TTC28: variants seen among roughly 807,000 people sequenced by gnomAD.
TTC28 encodes tetratricopeptide repeat domain 28, also known as tetratricopeptide repeat protein 28.
A neutral mutation model predicts 198.0 loss-of-function variants in TTC28; 61 were observed. The observed-to-expected ratio is 0.31, with a 90% CI of 0.25 to 0.38. The LOEUF is 0.38. Among genes scored for constraint, TTC28 ranks in the 10% least tolerant of loss-of-function variants. TTC28 has a pLI of 1.00. For missense variants in TTC28, 2,678 were observed against 3,164.0 expected, an observed-to-expected ratio of 0.85 and a Z score of 3.69; for synonymous variants, 1,171 against 1,297.8, an observed-to-expected ratio of 0.90 and a Z score of 2.10.
At chr22:28,621,760 AAAGAAAG>A (rs2051003320) in intron 2 of TTC28, among the ~76,000 whole-genome samples, 1 of 149,250 alleles carries the variant, frequency 6.7e-6, no homozygotes, top group African/African-American at 2.4e-5. Flanking sequence ...AAAAAAAAAA[AAAGAAAG>A]AAAGAAAGAA....
Position 27,982,457 on chromosome 22 carries a change from T to C in TTC28, c.7210A>G (p.Lys2404Glu), listed in dbSNP as rs200749476. 649 of 1,551,160 alleles carry C rather than the reference T, an allele frequency of 4.2e-4. 1 individual carries two copies. Among genetic ancestry groups the C allele is most frequent in the African/African-American group, 5.3e-4 (39 of 72,972 alleles). Residue 2404 changes from lysine (K) to glutamate (E), a missense_variant, in exon 23 of 23, where the codon AAG (lysine) becomes GAG (glutamate). Physicochemically the swap from Lys to Glu is moderately conservative, Grantham distance 56 (BLOSUM62 1). Coordinates refer to ENST00000397906, the MANE Select transcript of TTC28 (RefSeq NM_001145418.2). The surrounding 1 kb of genome is among the most constrained non-coding windows in gnomAD (Gnocchi z 5.2). ...TCAAGCTTATCCACTCCCTCCTCCT[T>C]CTTATTGTGCCGTGGTGACAAATTC... ...LLNLSPRHNKKEEGVDKLELK... is the reference protein window; with the variant it reads ...LLNLSPRHNKEEEGVDKLELK...
At chr22:28,634,441 C>T (rs534663705) in intron 1 of TTC28, among the ~76,000 whole-genome samples, 128 of 143,458 alleles carry the variant, frequency 8.9e-4, no homozygotes, top group African/African-American at 3.3e-3. Flanking sequence ...ACCTGGGAAT[C>T]GGAGGTTGCA....
intron 2 of TTC28, among the ~76,000 whole-genome samples, chr22:28,359,035 C>T (rs1230617352): frequency 1.3e-5 from 2 of 152,094 alleles, no homozygotes; most frequent in Admixed American, 6.5e-5. Flanking sequence ...AAAATCAATT[C>T]CTAAGATATC....
At chr22:28,071,120 C>T (rs1440504870) in intron 12 of TTC28, among the ~76,000 whole-genome samples, 2 of 152,154 alleles carry the variant, frequency 1.3e-5, no homozygotes, top group East Asian at 3.9e-4. Flanking sequence ...TTTCTAAAAG[C>T]AGGAATCATC....
chr22:28,185,454 AAATT>A (rs1363636557), intron 5 of TTC28, among the ~76,000 whole-genome samples: 3 of 152,192 alleles, frequency 2.0e-5, no homozygotes, highest in Admixed American at 6.5e-5. Context: ...TAGTCTGAGA[AAATT>A]AATACAACAC....
chr22:28,543,233 T>C (rs2049456147), intron 2 of TTC28, among the ~76,000 whole-genome samples: 1 of 151,898 alleles, frequency 6.6e-6, no homozygotes, highest in African/African-American at 2.4e-5. Flanking sequence ...TCCAAATACT[T>C]GGGAGACTGA....
intron 12 of TTC28, among the ~76,000 whole-genome samples, chr22:28,060,280 A>G (rs1308412126): frequency 6.6e-6 from 1 of 152,016 alleles, no homozygotes; most frequent in Non-Finnish European, 1.5e-5. Context: ...CCGGTGTGTG[A>G]TGTTCCCCAC....
rs528116926 is a variant in TTC28, at chr22:28,663,229, C to T, written c.102+16393G>A. On this transcript the variant is annotated intron_variant, in intron 1 of 22. Coordinates refer to ENST00000397906, the MANE Select transcript of TTC28 (RefSeq NM_001145418.2). Reference sequence around the variant, plus strand: ...TGCCGCTGCACTCCAGCCTGGGAGACAGAGCGAAACTCCGTCTCAAAAAAA... The same window carrying T: ...TGCCGCTGCACTCCAGCCTGGGAGATAGAGCGAAACTCCGTCTCAAAAAAA... Among the ~76,000 whole-genome samples the T allele has an allele frequency of 2.2e-3, 311 of 138,796 alleles. 2 individuals are homozygous for T. Among genetic ancestry groups the T allele is most frequent in the African/African-American group, 8.0e-3 (298 of 37,054 alleles). The allele number at this position is 138,796 out of a possible 152,430, so 91.1% of individuals were successfully genotyped here. A position where few individuals can be genotyped will look rare whatever the true frequency, so the allele number is the denominator to read the frequency against.
At chr22:28,541,551 T>A (rs1601541210) in intron 2 of TTC28, among the ~76,000 whole-genome samples, 1 of 152,106 alleles carries the variant, frequency 6.6e-6, no homozygotes, top group East Asian at 1.9e-4. Context: ...ACATCAACAA[T>A]GTCCACAATT....
At chr22:28,143,483 G>T (rs926426152) in intron 6 of TTC28, among the ~76,000 whole-genome samples, 1 of 152,186 alleles carries the variant, frequency 6.6e-6, no homozygotes, top group African/African-American at 2.4e-5. Flanking sequence ...GGAGAGCACT[G>T]GTGTATCTAT....
chr22:28,545,766 C>G (rs2049526698), intron 2 of TTC28, among the ~76,000 whole-genome samples: 1 of 151,956 alleles, frequency 6.6e-6, no homozygotes, highest in African/African-American at 2.4e-5. Flanking sequence ...AACAATAAAT[C>G]TAACGTAATA....
At chr22:28,178,088 G>C (rs2147097898) in intron 5 of TTC28, among the ~76,000 whole-genome samples, 1 of 152,114 alleles carries the variant, frequency 6.6e-6, no homozygotes, top group South Asian at 2.1e-4. Context: ...AAAACGACTG[G>C]GGGAGAGAGA....
intron 2 of TTC28, among the ~76,000 whole-genome samples, chr22:28,307,348 T>C (rs899821644): frequency 6.6e-6 from 1 of 152,196 alleles, no homozygotes; most frequent in Non-Finnish European, 1.5e-5. Flanking sequence ...TAGTAAGATA[T>C]TTAAATATTT....
rs535008250 is a variant in TTC28 at position 28,198,638 on chromosome 22, C to T, written c.934-35039G>A. The stretch of plus-strand genomic sequence containing the variant: ...CTTAACACACAAAGAAAGTTTGGTT[C>T]TCCTTCATGAAGCAGTTCAAGGTGG... On this transcript the variant is annotated intron_variant, in intron 5 of 22. Coordinates refer to ENST00000397906, the MANE Select transcript of TTC28 (RefSeq NM_001145418.2). Among the ~76,000 whole-genome samples, 6 of 152,186 alleles carry T rather than the reference C, an allele frequency of 3.9e-5. No individual in the cohort carries two copies. The South Asian group carries it at 1.2e-3, about 32-fold the overall frequency.
At chr22:28,310,159 C>CAA (rs2045229283) in intron 2 of TTC28, among the ~76,000 whole-genome samples, 1 of 134,924 alleles carries the variant, frequency 7.4e-6, no homozygotes, top group Non-Finnish European at 1.6e-5. Flanking sequence ...CACACACACA[C>CAA]ACACACACAC....
chr22:28,523,257 G>A (rs547829094), intron 2 of TTC28, among the ~76,000 whole-genome samples: 3 of 152,284 alleles, frequency 2.0e-5, no homozygotes, highest in East Asian at 3.9e-4. Flanking sequence ...GACATTCATA[G>A]TCAGAGCAAT....
intron 12 of TTC28, among the ~76,000 whole-genome samples, chr22:28,040,975 A>C (rs1217121869): frequency 6.6e-6 from 1 of 152,206 alleles, no homozygotes; most frequent in African/African-American, 2.4e-5. Context: ...GTGAACCCCC[A>C]TTCACAATTA....
chr22:28,254,299 AAG>A (rs1276630022), intron 5 of TTC28, among the ~76,000 whole-genome samples: 2 of 152,138 alleles, frequency 1.3e-5, no homozygotes, highest in Non-Finnish European at 2.9e-5. Context: ...GGATCATACA[AAG>A]AGAGAATGTA....
At chr22:28,629,883 C>T (rs1417482211) in intron 1 of TTC28, 53 bp from the exon 2 acceptor site, 2 of 1,459,754 alleles carry the variant, frequency 1.4e-6, no homozygotes, top group African/African-American at 2.8e-5. Context: ...AGATGGGTTC[C>T]CCATCTGCTA....
Sources: allele counts gnomAD v4.1 joint callset (sites outside exome capture counted in the v4.1 genomes callset), GRCh38; gene constraint gnomAD v4.1.1; non-coding constraint Gnocchi (gnomAD v3.1); transcripts MANE v1.5; gene names NCBI Gene and HGNC (gene_info 2026-07-23, HGNC 2026-07-21).